SNX29: variants seen among roughly 807,000 people sequenced by gnomAD.
SNX29 encodes the protein sorting nexin 29.
A neutral mutation model predicts 102.1 loss-of-function variants in SNX29; 78 were observed. The ratio of observed to expected loss-of-function variants is 0.76; its 90% confidence interval spans 0.64 to 0.92. The LOEUF (loss-of-function observed/expected upper bound fraction) is 0.92. Among genes scored for constraint, SNX29 ranks in the 40% least tolerant of loss-of-function variants. The probability of loss-of-function intolerance (pLI) is 0.00; values close to 1 mark genes in which losing one functional copy is unlikely to be tolerated. For missense variants in SNX29, 1,280 were observed against 1,061.7 expected (o/e 1.21, Z -2.86); for synonymous variants, 580 against 414.5 (o/e 1.40, Z -4.85).
At chr16:12,197,646 A>G (rs1423909781) in intron 13 of SNX29, among the ~76,000 whole-genome samples, 1 of 152,214 alleles carries the variant, frequency 6.6e-6, no homozygotes, top group East Asian at 1.9e-4. Context: ...AAACATTTTA[A>G]GGACTTGTTA....
chr16:12,236,713 T>C (rs112330257), intron 14 of SNX29, among the ~76,000 whole-genome samples: 2,248 of 152,338 alleles, frequency 0.015, 56 homozygotes, highest in African/African-American at 0.052. Flanking sequence ...CAGTGAACAC[T>C]TTGAGATGCT....
chr16:12,551,929 CTG>C (rs1405417270), intron 20 of SNX29, among the ~76,000 whole-genome samples: 5 of 152,210 alleles, frequency 3.3e-5, no homozygotes, highest in Non-Finnish European at 7.4e-5. Context: ...CACAGAGCCA[CTG>C]TGAGGATCCA....
chr16:12,316,130 G>A (rs1001039492), intron 15 of SNX29, among the ~76,000 whole-genome samples: 1 of 152,232 alleles, frequency 6.6e-6, no homozygotes, highest in East Asian at 1.9e-4. Flanking sequence ...ATCCCAGGCA[G>A]AGAGACAGCA....
intron 19 of SNX29, among the ~76,000 whole-genome samples, chr16:12,503,734 C>G (rs1348985013): frequency 6.6e-6 from 1 of 152,098 alleles, no homozygotes; most frequent in Non-Finnish European, 1.5e-5. Context: ...GTCAGAGAGG[C>G]TTTCTTCAAG....
At chr16:12,050,573 G>T (rs2050258863) in intron 7 of SNX29, among the ~76,000 whole-genome samples, 1 of 152,042 alleles carries the variant, frequency 6.6e-6, no homozygotes, top group South Asian at 2.1e-4. Context: ...GGCAGCTCGG[G>T]TTCTACTCAT....
At chr16:12,333,357 G>A (rs756451348) in intron 15 of SNX29, among the ~76,000 whole-genome samples, 2 of 151,674 alleles carry the variant, frequency 1.3e-5, no homozygotes, top group Non-Finnish European at 2.9e-5. Flanking sequence ...TGCCTGCCTC[G>A]GCCTCCCAAA....
intron 16 of SNX29, among the ~76,000 whole-genome samples, chr16:12,385,777 TTCAA>T (rs2083319164): frequency 6.6e-6 from 1 of 152,234 alleles, no homozygotes; most frequent in South Asian, 2.1e-4. Context: ...GGCTTCCTTT[TTCAA>T]GTAACTCTGT....
intron 15 of SNX29, among the ~76,000 whole-genome samples, chr16:12,311,531 T>C (rs995362451): frequency 4.6e-5 from 7 of 152,262 alleles, no homozygotes; most frequent in African/African-American, 1.4e-4. Context: ...GCGGTTGAGC[T>C]TGCAGCTCCC....
intron 19 of SNX29, chr16:12,515,500 C>T (rs758324093): frequency 8.4e-5 from 41 of 487,608 alleles, no homozygotes; most frequent in South Asian, 4.0e-4. Context: ...CTTCTCCTTG[C>T]CTCCCCAGCC....
chr16:12,489,246 A>G (rs1055970326), intron 19 of SNX29, among the ~76,000 whole-genome samples: 3 of 152,074 alleles, frequency 2.0e-5, no homozygotes, highest in Admixed American at 1.3e-4. Flanking sequence ...ACAAATTGAG[A>G]ACTGTGTATT....
chr16:12,471,786 A>G (rs1231859221), intron 18 of SNX29, among the ~76,000 whole-genome samples: 3 of 152,274 alleles, frequency 2.0e-5, no homozygotes, highest in South Asian at 2.1e-4. Context: ...TTACTTCTGT[A>G]TAGACCTTTA....
intron 20 of SNX29, among the ~76,000 whole-genome samples, chr16:12,546,073 A>C (rs1319712054): frequency 1.3e-5 from 2 of 152,192 alleles, no homozygotes; most frequent in Non-Finnish European, 2.9e-5. Flanking sequence ...CCTGGGTTTG[A>C]GTCCCCAGTC....
At chr16:12,214,349 C>T (rs1287861490) in intron 14 of SNX29, among the ~76,000 whole-genome samples, 2 of 152,212 alleles carry the variant, frequency 1.3e-5, no homozygotes, top group African/African-American at 4.8e-5. Context: ...GGGGCTGTCT[C>T]AGCATTGTGT....
Position 12,166,749 on chromosome 16 carries a change from G to C in SNX29, c.1596-32852G>C, listed in dbSNP as rs565461733. Among the ~76,000 whole-genome samples, 19 of 152,348 alleles carry C rather than the reference G, an allele frequency of 1.2e-4. No individual in the cohort carries two copies. The South Asian group carries it at 3.7e-3, about 30-fold the overall frequency. The stretch of plus-strand genomic sequence containing the variant: ...TTGCCACCAGCAGCTTCAGGCATCA[G>C]AGTTGGGTGTGTGTGGCTGTTGAAA... On this transcript the variant is annotated intron_variant, in intron 13 of 20. Transcript: ENST00000566228.
chr16:12,266,163 G>A (rs192291555), intron 14 of SNX29, among the ~76,000 whole-genome samples: 67 of 152,136 alleles, frequency 4.4e-4, no homozygotes, highest in Admixed American at 7.9e-4. Flanking sequence ...GGGCTCAAGC[G>A]ATCCTCCCGC....
chr16:12,508,692 A>T (rs536007178), intron 19 of SNX29, among the ~76,000 whole-genome samples: 2 of 151,908 alleles, frequency 1.3e-5, no homozygotes, highest in Admixed American at 1.3e-4. Context: ...CCATTGCAGT[A>T]TGGAATTGTC....
chr16:12,130,078 T>A (rs2141415807), intron 13 of SNX29, among the ~76,000 whole-genome samples: 1 of 150,970 alleles, frequency 6.6e-6, no homozygotes, highest in South Asian at 2.1e-4. Flanking sequence ...CATTCCAGCC[T>A]GGGTGACAGA....
At chr16:12,552,689 C>T (rs79943047) in intron 20 of SNX29, among the ~76,000 whole-genome samples, 2,230 of 152,150 alleles carry the variant, frequency 0.015, 54 homozygotes, top group South Asian at 0.11. Context: ...TTACAAGGGT[C>T]GGGGGAAGAT....
intron 14 of SNX29, among the ~76,000 whole-genome samples, chr16:12,235,159 A>T (rs975829903): frequency 1.3e-5 from 2 of 151,868 alleles, no homozygotes; most frequent in African/African-American, 4.8e-5. Context: ...TGAACTTTGC[A>T]GTCAGTTGGA....
Sources: allele counts gnomAD v4.1 joint callset (sites outside exome capture counted in the v4.1 genomes callset), GRCh38; gene constraint gnomAD v4.1.1; transcripts MANE v1.5; gene names NCBI Gene and HGNC (gene_info 2026-07-23, HGNC 2026-07-21).